The following CACNA1C variants were observed in gnomAD, a reference collection of about 807,000 sequenced individuals.
The protein encoded by CACNA1C is voltage-dependent L-type calcium channel subunit alpha-1C.
In CACNA1C, 30 loss-of-function variants were observed where a neutral mutation model predicts 229.0. That is an observed-to-expected ratio of 0.13 (90% CI 0.10 to 0.18). The LOEUF (loss-of-function observed/expected upper bound fraction) is 0.18. Ranked by LOEUF, CACNA1C falls within the 10% of genes least tolerant of loss-of-function variation. The pLI is 1.00. For missense variants in CACNA1C, 1,658 were observed against 2,845.0 expected, an observed-to-expected ratio of 0.58 and a Z score of 9.49; for synonymous variants, 1,114 against 1,132.5, an observed-to-expected ratio of 0.98 and a Z score of 0.33.
chr12:2,375,375 A>G (rs756481916), intron 3 of CACNA1C, among the ~76,000 whole-genome samples: 5 of 152,152 alleles, frequency 3.3e-5, no homozygotes, highest in African/African-American at 4.8e-5. Flanking sequence ...GGCTCAGCAG[A>G]ACAGGCCTGG....
intron 3 of CACNA1C, among the ~76,000 whole-genome samples, chr12:2,385,598 TC>T (rs1354005112): frequency 6.6e-6 from 1 of 151,952 alleles, no homozygotes; most frequent in Non-Finnish European, 1.5e-5. Context: ...TCTTGACGGG[TC>T]CCCCTGCCTC....
chr12:2,287,988 T>C lies in CACNA1C; in HGVS notation c.478-160988T>C, dbSNP rs76650900. On this transcript the variant is annotated intron_variant, in intron 3 of 46. Coordinates refer to ENST00000399655, the MANE Select transcript of CACNA1C (RefSeq NM_000719.7). This position sits in a 1 kb window ranked among gnomAD's most constrained non-coding sequence, Gnocchi z 4.6. The stretch of plus-strand genomic sequence containing the variant: ...TCTGATCATTGATTTTTTTTTTTTT[T>C]TGCATCATCCAATAACTATTCATTG... The C allele has an allele frequency of 6.6e-6, 1 of 151,438 alleles. No homozygotes were observed. Among genetic ancestry groups the C allele is most frequent in the Admixed American group, 6.6e-5 (1 of 15,178 alleles). The allele number at this position is 151,438 out of a possible 1,614,324, so 9.4% of individuals were successfully genotyped here. A position where few individuals can be genotyped will look rare whatever the true frequency, so the allele number is the denominator to read the frequency against.
intron 1 of CACNA1C, among the ~76,000 whole-genome samples, chr12:1,995,229 T>G (rs74669109): frequency 0.017 from 2,536 of 152,214 alleles, 66 homozygotes; most frequent in African/African-American, 0.057. Context: ...AAAAAAACCC[T>G]ACTAAAAATT....
At chr12:2,673,718 T>C (rs2096661992) in intron 38 of CACNA1C, among the ~76,000 whole-genome samples, 1 of 152,124 alleles carries the variant, frequency 6.6e-6, no homozygotes, top group South Asian at 2.1e-4. Flanking sequence ...CCTCTCTCAG[T>C]TCAGCCCACA....
chr12:2,570,760 G>A (rs183285929), intron 13 of CACNA1C, among the ~76,000 whole-genome samples: 127 of 152,288 alleles, frequency 8.3e-4, no homozygotes, highest in African/African-American at 2.6e-3. Flanking sequence ...TGTGGTGGGC[G>A]TGGGAATTAC....
At chr12:2,323,073 T>G (rs545156162) in intron 3 of CACNA1C, among the ~76,000 whole-genome samples, 141 of 152,282 alleles carry the variant, frequency 9.3e-4, no homozygotes, top group Non-Finnish European at 1.8e-3. Context: ...TCAAGCCCTA[T>G]GCTCTTTCCC....
At chr12:2,491,064 C>T (rs1282781332) in intron 6 of CACNA1C, among the ~76,000 whole-genome samples, 2 of 152,198 alleles carry the variant, frequency 1.3e-5, no homozygotes, top group Non-Finnish European at 2.9e-5. Flanking sequence ...ACAGAGCCTA[C>T]TGATATATGC....
intron 1 of CACNA1C, among the ~76,000 whole-genome samples, chr12:2,092,737 A>G (rs541165076): frequency 1.3e-5 from 2 of 152,322 alleles, no homozygotes; most frequent in Admixed American, 6.5e-5. Flanking sequence ...ACCCTATTTA[A>G]TCCTTATTAT....
At chr12:2,383,374 CTGGG>C (rs2154546076) in intron 3 of CACNA1C, among the ~76,000 whole-genome samples, 1 of 152,240 alleles carries the variant, frequency 6.6e-6, no homozygotes, top group East Asian at 1.9e-4. Flanking sequence ...GTAACCACTC[CTGGG>C]TGGTAAGAGA....
At chr12:2,254,981 C>T (rs567183791) in intron 3 of CACNA1C, among the ~76,000 whole-genome samples, 1 of 152,142 alleles carries the variant, frequency 6.6e-6, no homozygotes, top group African/African-American at 2.4e-5. Context: ...AGAGCACATA[C>T]CCCTGTGTAA....
intron 4 of CACNA1C, among the ~76,000 whole-genome samples, chr12:2,454,836 C>T (rs1023008934): frequency 2.0e-5 from 3 of 152,200 alleles, no homozygotes; most frequent in Non-Finnish European, 4.4e-5. Flanking sequence ...CTGATGGCCT[C>T]GTTCCCCAGT....
chr12:2,638,417 T>C (rs903644625), intron 30 of CACNA1C, among the ~76,000 whole-genome samples: 1 of 149,566 alleles, frequency 6.7e-6, no homozygotes, highest in Non-Finnish European at 1.5e-5. Flanking sequence ...AAAGGAGAGG[T>C]GAGGGTAGCA....
rs115200886 is a variant in CACNA1C at position 2,328,181 on chromosome 12, C to A, written c.478-120795C>A. 6.3e-3 allele frequency among the ~76,000 whole-genome samples: 962 copies of A among 152,286 alleles called. 14 individuals carry two copies. The highest frequency in any genetic ancestry group is 0.021 in the African/African-American group (861 of 41,544). ...TGCTGGCTGTAATATCTCTTGCCCC[C>A]CAAATGATCCTTGAGCTTTCAAGGT... On this transcript the variant is annotated intron_variant, in intron 3 of 46. Transcript: ENST00000399655.
At chr12:2,277,350 GACAGACAGACAGACACACACAC>G (rs1192143464) in intron 3 of CACNA1C, among the ~76,000 whole-genome samples, 28 of 76,512 alleles carry the variant, frequency 3.7e-4, no homozygotes, top group East Asian at 8.3e-4. Context: ...CAGACAGACA[GACAGACAGACAGACACACACAC>G]ACACACACAC....
At chr12:2,039,136 G>A (rs1459202351) in intron 1 of CACNA1C, among the ~76,000 whole-genome samples, 1 of 152,168 alleles carries the variant, frequency 6.6e-6, no homozygotes, top group South Asian at 2.1e-4. Context: ...AGACAAATAA[G>A]AGCTGAAACT....
intron 3 of CACNA1C, among the ~76,000 whole-genome samples, chr12:2,391,084 G>A (rs973928435): frequency 8.5e-5 from 13 of 152,288 alleles, no homozygotes; most frequent in Admixed American, 4.6e-4. Context: ...AGTGACTGAC[G>A]TGGAAGGTGA....
At chr12:2,583,035 C>A in intron 15 of CACNA1C, 93 bp downstream of exon 15, 1 of 892,538 alleles carries the variant, frequency 1.1e-6, no homozygotes. Context: ...TCCGGGCGGT[C>A]CTGCTCGGGC....
chr12:2,491,001 G>C (rs1429783026), intron 6 of CACNA1C, among the ~76,000 whole-genome samples: 5 of 152,202 alleles, frequency 3.3e-5, no homozygotes, highest in Non-Finnish European at 7.3e-5. Context: ...ACGTCCATCA[G>C]CTGGTGAATG....
chr12:2,191,689 C>G (rs915734052), intron 3 of CACNA1C, among the ~76,000 whole-genome samples: 3 of 151,990 alleles, frequency 2.0e-5, no homozygotes, highest in African/African-American at 7.3e-5. Context: ...CACACGTACA[C>G]CCAGGCACAT....
Sources: gnomAD v4.1 joint callset for allele counts (sites outside exome capture counted in the v4.1 genomes callset) on GRCh38, gnomAD v4.1.1 for gene constraint, Gnocchi (gnomAD v3.1) non-coding constraint, MANE v1.5 for transcripts, NCBI Gene and HGNC (gene_info 2026-07-23, HGNC 2026-07-21) for gene names.